HEMK2: variants seen among roughly 807,000 people sequenced by gnomAD.
HEMK2 encodes the protein HemK methyltransferase 2, ETF1 glutamine and histone H4 lysine.
chr21:28,739,294 T>C, the HEMK2 span, among the ~76,000 whole-genome samples: 2 of 152,226 alleles, frequency 1.3e-5, no homozygotes, highest in South Asian at 4.1e-4. Flanking sequence ...ACTGAGGCTA[T>C]GAAATTGGCC....
the HEMK2 span, among the ~76,000 whole-genome samples, chr21:28,787,638 C>G: frequency 6.6e-6 from 1 of 152,124 alleles, no homozygotes; most frequent in Non-Finnish European, 1.5e-5. Context: ...CATGGAAATT[C>G]AAATCAAAAT....
chr21:28,855,498 G>A, the HEMK2 span, among the ~76,000 whole-genome samples: 6 of 152,130 alleles, frequency 3.9e-5, no homozygotes, highest in Non-Finnish European at 7.4e-5. Flanking sequence ...GTTGGGACCT[G>A]AACTCAACAC....
chr21:28,784,832 T>A, the HEMK2 span, among the ~76,000 whole-genome samples: 1 of 152,012 alleles, frequency 6.6e-6, no homozygotes. Flanking sequence ...GAGCCAGGAG[T>A]GGCAACCCAC....
chr21:28,638,694 T>A, the HEMK2 span, among the ~76,000 whole-genome samples: 1 of 152,102 alleles, frequency 6.6e-6, no homozygotes, highest in Non-Finnish European at 1.5e-5. Flanking sequence ...CTCCTGTGTC[T>A]GCAGTCAGCT....
chr21:28,765,635 C>A, the HEMK2 span, among the ~76,000 whole-genome samples: 7 of 152,024 alleles, frequency 4.6e-5, no homozygotes, highest in Non-Finnish European at 8.8e-5. Flanking sequence ...AAAGTTTCCA[C>A]CGACACACAA....
chr21:28,671,848 C>T, the HEMK2 span, among the ~76,000 whole-genome samples: 1 of 152,162 alleles, frequency 6.6e-6, no homozygotes, highest in Non-Finnish European at 1.5e-5. Flanking sequence ...GTTTTAATGT[C>T]ACACGTAAAT....
chr21:28,711,780 T>C, the HEMK2 span, among the ~76,000 whole-genome samples: 2 of 152,088 alleles, frequency 1.3e-5, no homozygotes, highest in Non-Finnish European at 2.9e-5. Flanking sequence ...CTAGCGAGGG[T>C]AGCTTAAACA....
the HEMK2 span, among the ~76,000 whole-genome samples, chr21:28,796,521 T>G: frequency 6.6e-6 from 1 of 152,136 alleles, no homozygotes; most frequent in Non-Finnish European, 1.5e-5. Context: ...AGTCAGAGGC[T>G]ATTAGAACTA....
chr21:28,771,486 C>T, the HEMK2 span, among the ~76,000 whole-genome samples: 9 of 143,246 alleles, frequency 6.3e-5, no homozygotes, highest in South Asian at 1.6e-3. Flanking sequence ...CTAGGGGTGC[C>T]GTGAAAAATT....
At chr21:28,822,488 T>C in the HEMK2 span, among the ~76,000 whole-genome samples, 11 of 152,086 alleles carry the variant, frequency 7.2e-5, no homozygotes, top group African/African-American at 2.2e-4. Flanking sequence ...AAAAAAATTA[T>C]AGAACATGTG....
At chr21:28,576,578 A>C in the HEMK2 span, among the ~76,000 whole-genome samples, 1 of 152,150 alleles carries the variant, frequency 6.6e-6, no homozygotes, top group East Asian at 1.9e-4. Flanking sequence ...TTTTTATAAA[A>C]TTCAATTTAT....
At chr21:28,601,022 T>C in the HEMK2 span, among the ~76,000 whole-genome samples, 1 of 152,230 alleles carries the variant, frequency 6.6e-6, no homozygotes, top group Non-Finnish European at 1.5e-5. Flanking sequence ...TTACTCAGGT[T>C]TTTCTCAAAC....
the HEMK2 span, among the ~76,000 whole-genome samples, chr21:28,616,135 G>A: frequency 6.6e-6 from 1 of 152,186 alleles, no homozygotes; most frequent in Non-Finnish European, 1.5e-5. Flanking sequence ...CTTTCAGCTT[G>A]CAGATCAAAT....
At chr21:28,776,672 G>A in the HEMK2 span, among the ~76,000 whole-genome samples, 2 of 152,190 alleles carry the variant, frequency 1.3e-5, no homozygotes, top group African/African-American at 4.8e-5. Flanking sequence ...AGCCGACAGT[G>A]CAGCCTTCAG....
At chr21:28,691,186 C>T in the HEMK2 span, among the ~76,000 whole-genome samples, 96 of 152,248 alleles carry the variant, frequency 6.3e-4, no homozygotes, top group African/African-American at 2.2e-3. Flanking sequence ...CATTGGAATA[C>T]TCTTGTTAAA....
the HEMK2 span, chr21:28,743,344 T>C: frequency 6.6e-6 from 1 of 152,222 alleles, no homozygotes; most frequent in African/African-American, 2.4e-5. Context: ...CTAGAGCTAC[T>C]ATAACAAAGT....
the HEMK2 span, among the ~76,000 whole-genome samples, chr21:28,716,209 G>A: frequency 6.6e-6 from 1 of 152,110 alleles, no homozygotes; most frequent in South Asian, 2.1e-4. Context: ...CACTGAATCT[G>A]TACATTACTT....
At chr21:28,726,431 G>T in the HEMK2 span, among the ~76,000 whole-genome samples, 5 of 152,212 alleles carry the variant, frequency 3.3e-5, no homozygotes, top group East Asian at 1.9e-4. Context: ...TTTATCAATA[G>T]AATGAGACAG....
the HEMK2 span, among the ~76,000 whole-genome samples, chr21:28,628,818 T>C: frequency 6.6e-6 from 1 of 152,242 alleles, no homozygotes; most frequent in South Asian, 2.1e-4. Flanking sequence ...TGCCATTGGC[T>C]TTTTCAGAAT....
Sources: gnomAD v4.1 joint callset for allele counts (sites outside exome capture counted in the v4.1 genomes callset) on GRCh38, gnomAD v4.1.1 for gene constraint, MANE v1.5 for transcripts, NCBI Gene and HGNC (gene_info 2026-07-23, HGNC 2026-07-21) for gene names.